Variants in NMT2 observed in about 807,000 individuals in gnomAD.
NMT2 encodes the protein glycylpeptide N-tetradecanoyltransferase 2.
A neutral mutation model predicts 65.4 loss-of-function variants in NMT2; 35 were observed. The observed-to-expected ratio is 0.54, with a 90% CI of 0.41 to 0.71. The LOEUF (loss-of-function observed/expected upper bound fraction) is 0.71, where lower values mean the gene tolerates loss of function less well. Ranked by LOEUF, NMT2 falls within the 30% of genes least tolerant of loss-of-function variation. NMT2 has a pLI of 0.00. For synonymous variants in NMT2, 226 were observed against 231.8 expected (o/e 0.98, Z 0.23); for missense variants, 489 against 611.3 (o/e 0.80, Z 2.11).
At chr10:15,115,494 A>G (rs779181597) in intron 9 of NMT2, among the ~76,000 whole-genome samples, 4 of 152,230 alleles carry the variant, frequency 2.6e-5, no homozygotes, top group Admixed American at 6.5e-5. Flanking sequence ...CCTAAAATAT[A>G]TTCAAGTAAT....
rs760278303 is a variant in NMT2 at position 15,112,922 on chromosome 10, C to A, written c.1212G>T (p.Thr404=). The A allele has an allele frequency of 2.5e-6, 4 of 1,613,948 alleles. No homozygotes were observed. The East Asian group carries it at 6.7e-5, about 27-fold the overall frequency. The change falls in exon 10 of 12, where the codon ACG becomes ACT. Residue 404 remains threonine, a synonymous_variant. Coordinates refer to ENST00000378165, the MANE Select transcript of NMT2 (RefSeq NM_004808.3). ...GKLTDFLSFY[T]LPSTVMHHPA... ...GGTGGTGCATCACCGTGGAGGGGAG[C>A]GTATAGAAGCTCAGGAAATCAGTCA...
intron 9 of NMT2, among the ~76,000 whole-genome samples, chr10:15,115,842 G>A (rs1414375272): frequency 6.6e-6 from 1 of 152,128 alleles, no homozygotes; most frequent in East Asian, 1.9e-4. Flanking sequence ...AGAAAGAGAG[G>A]TATTACATTA....
At chr10:15,127,330 A>C (rs1846107651) in intron 8 of NMT2, among the ~76,000 whole-genome samples, 1 of 151,296 alleles carries the variant, frequency 6.6e-6, no homozygotes, top group South Asian at 2.1e-4. Context: ...GGCGGATCAC[A>C]AGGTCAGGAG....
At chr10:15,149,299 CCAT>C (rs1222076448) in intron 1 of NMT2, among the ~76,000 whole-genome samples, 5 of 151,750 alleles carry the variant, frequency 3.3e-5, no homozygotes, top group Non-Finnish European at 2.9e-5. Flanking sequence ...ATCACTGCCA[CCAT>C]CATCACCATC....
chr10:15,127,552 A>AT (rs1474912345), intron 8 of NMT2, among the ~76,000 whole-genome samples: 1 of 93,546 alleles, frequency 1.1e-5, no homozygotes, highest in African/African-American at 1.2e-4. Flanking sequence ...GTCTCAAAAA[A>AT]AAAAAAAAAA....
At chr10:15,135,570 A>C in intron 2 of NMT2, 152 bp from the exon 3 acceptor site, 7 of 722,678 alleles carry the variant, frequency 9.7e-6, no homozygotes, top group Non-Finnish European at 1.6e-5. Flanking sequence ...TGTGTGTTAC[A>C]CATGAAAATA....
At position 15,119,518 on chromosome 10, in the gene NMT2, T is replaced by G. The variant is rs560057706; in HGVS notation, c.1000-5A>C. ...CAAACCTGAAGTCTTTGTAACCTTG[T>G]TGGAGGGGAAACAAAACAAATCCAG... On this transcript the variant is annotated splice_region_variant and splice_polypyrimidine_tract_variant and intron_variant, in intron 8 of 11. Transcript: ENST00000378165. 2 of 1,612,446 alleles carry G rather than the reference T, an allele frequency of 1.2e-6. No individual in the cohort carries two copies. The highest frequency in any genetic ancestry group is 3.3e-5 in the Admixed American group (2 of 59,910).
chr10:15,152,146 G>A (rs1467491882), intron 1 of NMT2, among the ~76,000 whole-genome samples: 1 of 152,228 alleles, frequency 6.6e-6, no homozygotes, highest in African/African-American at 2.4e-5. Context: ...AGAGATGAGA[G>A]ACGGAGAAAA....
In NMT2 at chr10:15,109,035, C is replaced by T. The variant is rs1405515972; in HGVS notation, c.*160G>A. ...TGAAGTTTAACATTCTAGCTAGAAA[C>T]GTACAAATGTCACATGTGGACTTTT... On this transcript the variant is annotated 3_prime_UTR_variant, in exon 12 of 12. Coordinates refer to ENST00000378165, the MANE Select transcript of NMT2 (RefSeq NM_004808.3). The T allele has an allele frequency of 3.2e-5, 47 of 1,461,518 alleles. No individual in the cohort carries two copies. The highest frequency in any genetic ancestry group is 4.0e-5 in the Non-Finnish European group (45 of 1,115,358). 90.5% of individuals were successfully genotyped at this position (1,461,518 alleles called of 1,614,324 possible). A position where few individuals can be genotyped will look rare whatever the true frequency, so the allele number is the denominator to read the frequency against.
At chr10:15,163,772 A>T (rs10906844) in intron 1 of NMT2, among the ~76,000 whole-genome samples, 27,276 of 152,130 alleles carry the variant, frequency 0.18, 3,084 homozygotes, top group African/African-American at 0.32. Context: ...TCCTTTTTTT[A>T]CCCCCTAAAT....
intron 1 of NMT2, among the ~76,000 whole-genome samples, chr10:15,163,027 C>T (rs886787813): frequency 6.6e-6 from 1 of 151,876 alleles, no homozygotes; most frequent in Non-Finnish European, 1.5e-5. Context: ...GCAATTCTCC[C>T]ATCTCAGCCT....
chr10:15,141,164 A>G (rs1379042475), intron 2 of NMT2: 1 of 871,294 alleles, frequency 1.1e-6, no homozygotes, highest in African/African-American at 1.7e-5. Flanking sequence ...TAGAACGACA[A>G]TCTAAATACA....
intron 1 of NMT2, 55 bp from the exon 2 acceptor site, chr10:15,141,612 A>C: frequency 1.9e-6 from 3 of 1,541,962 alleles, no homozygotes; most frequent in Non-Finnish European, 2.6e-6. Flanking sequence ...TCATTAAATG[A>C]AATTGAATTG....
At chr10:15,111,525 A>AG (rs902364196) in intron 10 of NMT2, among the ~76,000 whole-genome samples, 2 of 151,456 alleles carry the variant, frequency 1.3e-5, no homozygotes, top group Non-Finnish European at 2.9e-5. Flanking sequence ...AAAAAAAAAA[A>AG]AAAAAAGTAT....
chr10:15,119,508 T>G lies in NMT2; in HGVS notation c.1005A>C (p.Thr335=), dbSNP rs752682003. Residue 335 remains threonine, a synonymous_variant, in exon 9 of 12, where the codon ACA becomes ACC. Coordinates refer to ENST00000378165, the MANE Select transcript of NMT2 (RefSeq NM_004808.3). Reference sequence around the variant, plus strand: ...CCATTGGTCTCAAACCTGAAGTCTTTGTAACCTTGTTGGAGGGGAAACAAA... The same window carrying G: ...CCATTGGTCTCAAACCTGAAGTCTTGGTAACCTTGTTGGAGGGGAAACAAA... The part of the protein sequence containing the change: ...TMKLYRLPDV[T]KTSGLRPMEP... 6 of 1,613,452 alleles carry G rather than the reference T, an allele frequency of 3.7e-6. No individual in the cohort carries two copies. In the South Asian group the frequency reaches 6.6e-5, roughly 18 times the overall value.
rs1845317202 is a variant in NMT2 at position 15,106,764 on chromosome 10, A to G, written c.*2431T>C. The G allele has an allele frequency of 1.8e-6, 1 of 551,844 alleles. No individual in the cohort carries two copies. Among genetic ancestry groups the G allele is most frequent in the African/African-American group, 2.0e-5 (1 of 48,850 alleles). 34.2% of individuals were successfully genotyped at this position (551,844 alleles called of 1,614,324 possible). On this transcript the variant is annotated 3_prime_UTR_variant, in exon 12 of 12. Transcript: ENST00000378165. ...CCACACAATCTGTCACAACAACTCA[A>G]CTCAGCTTTGTAGTGTGAAGCAGCC...
intron 1 of NMT2, among the ~76,000 whole-genome samples, chr10:15,160,499 G>A (rs561840614): frequency 2.0e-4 from 30 of 152,302 alleles, no homozygotes; most frequent in African/African-American, 7.2e-4. Context: ...AAGGTGCCAG[G>A]TGCAGTGGCT....
intron 6 of NMT2, 24 bp from the exon 7 acceptor site, chr10:15,130,336 T>C (rs1246485453): frequency 6.7e-7 from 1 of 1,498,188 alleles, no homozygotes; most frequent in Non-Finnish European, 9.0e-7. Context: ...ATGGTGAAGA[T>C]TAAGAGTCAA....
chr10:15,164,182 CAA>C (rs34847914), intron 1 of NMT2, among the ~76,000 whole-genome samples: 18,664 of 69,510 alleles, frequency 0.27, 848 homozygotes, highest in African/African-American at 0.29. Context: ...GAATTGGTCT[CAA>C]AAAAAAAAAA....
Sources: allele counts gnomAD v4.1 joint callset (sites outside exome capture counted in the v4.1 genomes callset), GRCh38; gene constraint gnomAD v4.1.1; transcripts MANE v1.5; gene names NCBI Gene and HGNC (gene_info 2026-07-23, HGNC 2026-07-21).